The following LRRTM4 variants were observed in gnomAD, a reference collection of about 807,000 sequenced individuals.
The protein encoded by LRRTM4 is leucine-rich repeat transmembrane neuronal protein 4.
LRRTM4 carries 25 observed loss-of-function variants against 47.6 expected under a neutral mutation model. That is an observed-to-expected ratio of 0.53 (90% CI 0.38 to 0.73). The LOEUF is 0.73. Ranked by LOEUF, LRRTM4 falls within the 30% of genes least tolerant of loss-of-function variation. The pLI is 0.00. For missense variants in LRRTM4, 638 were observed against 713.4 expected (o/e 0.89, Z 1.20); for synonymous variants, 311 against 269.5 (o/e 1.15, Z -1.51).
chr2:76,861,695 C>T (rs572900890), intron 3 of LRRTM4, among the ~76,000 whole-genome samples: 1 of 152,120 alleles, frequency 6.6e-6, no homozygotes, highest in East Asian at 1.9e-4. Flanking sequence ...TTTTAGGAAT[C>T]TTAATATAAT....
At chr2:77,168,194 T>C (rs1057313447) in intron 3 of LRRTM4, among the ~76,000 whole-genome samples, 4 of 152,150 alleles carry the variant, frequency 2.6e-5, no homozygotes, top group African/African-American at 9.6e-5. Context: ...AAAGATTTCA[T>C]GTATTATTCC....
At chr2:77,040,289 T>C (rs980630150) in intron 3 of LRRTM4, among the ~76,000 whole-genome samples, 1 of 151,398 alleles carries the variant, frequency 6.6e-6, no homozygotes, top group African/African-American at 2.4e-5. Flanking sequence ...TGTATGCAAA[T>C]TACAGCTCAT....
chr2:77,419,547 A>G (rs1159323316), intron 3 of LRRTM4, among the ~76,000 whole-genome samples: 1 of 152,184 alleles, frequency 6.6e-6, no homozygotes, highest in Non-Finnish European at 1.5e-5. Context: ...TTGCTTAGGA[A>G]ACAATGACAA....
chr2:77,198,287 C>T (rs561388360), intron 3 of LRRTM4, among the ~76,000 whole-genome samples: 34 of 152,292 alleles, frequency 2.2e-4, no homozygotes, highest in Non-Finnish European at 4.0e-4. Context: ...CCTTCCACCA[C>T]TTACTGGCCA....
At chr2:76,892,024 G>A (rs1673271617) in intron 3 of LRRTM4, among the ~76,000 whole-genome samples, 2 of 151,672 alleles carry the variant, frequency 1.3e-5, no homozygotes, top group Admixed American at 1.3e-4. Context: ...AGAATAGCCT[G>A]TATCCGGTAT....
intron 3 of LRRTM4, among the ~76,000 whole-genome samples, chr2:77,301,364 G>A (rs1677129616): frequency 6.6e-6 from 1 of 151,826 alleles, no homozygotes; most frequent in Non-Finnish European, 1.5e-5. Flanking sequence ...ATTTAAGCAG[G>A]CACTACCAAC....
At chr2:76,858,205 T>C (rs1207180180) in intron 3 of LRRTM4, among the ~76,000 whole-genome samples, 1 of 152,158 alleles carries the variant, frequency 6.6e-6, no homozygotes, top group Non-Finnish European at 1.5e-5. Flanking sequence ...ATTCAATCTG[T>C]AAACAGAGTA....
intron 3 of LRRTM4, among the ~76,000 whole-genome samples, chr2:77,074,325 C>T (rs1680262338): frequency 6.6e-6 from 1 of 152,100 alleles, no homozygotes; most frequent in Non-Finnish European, 1.5e-5. Context: ...TCTTCATGGG[C>T]CTGGCTGATC....
At chr2:77,088,334 C>T (rs1431750107) in intron 3 of LRRTM4, among the ~76,000 whole-genome samples, 1 of 152,056 alleles carries the variant, frequency 6.6e-6, no homozygotes, top group Non-Finnish European at 1.5e-5. Flanking sequence ...ATATGCCCTG[C>T]CCCACCTTAA....
chr2:77,490,149 C>T (rs959059357), intron 3 of LRRTM4, among the ~76,000 whole-genome samples: 1 of 151,970 alleles, frequency 6.6e-6, no homozygotes, highest in Non-Finnish European at 1.5e-5. Flanking sequence ...ACTCAGGAGG[C>T]TGAGGCACAA....
chr2:76,910,280 G>C (rs1315165600), intron 3 of LRRTM4, among the ~76,000 whole-genome samples: 1 of 149,546 alleles, frequency 6.7e-6, no homozygotes, highest in Non-Finnish European at 1.5e-5. Context: ...CTCACTCATA[G>C]GTGGGAATTG....
intron 3 of LRRTM4, among the ~76,000 whole-genome samples, chr2:76,807,016 T>C (rs1676002197): frequency 6.6e-6 from 1 of 152,164 alleles, no homozygotes; most frequent in East Asian, 1.9e-4. Flanking sequence ...GAAGAAAATT[T>C]AAAAACATTT....
At chr2:76,960,284 A>G (rs563910551) in intron 3 of LRRTM4, among the ~76,000 whole-genome samples, 9 of 151,826 alleles carry the variant, frequency 5.9e-5, no homozygotes, top group Admixed American at 2.6e-4. Flanking sequence ...AGATAACAGT[A>G]TATGTATTTG....
chr2:77,318,000 C>CTTTTTTTT (rs61212194), intron 3 of LRRTM4, among the ~76,000 whole-genome samples: 1 of 99,760 alleles, frequency 1.0e-5, no homozygotes, highest in Non-Finnish European at 1.8e-5. Context: ...ATTCCTAACA[C>CTTTTTTTT]TTTTTTTTTT....
chr2:77,171,203 A>G (rs1267771200), intron 3 of LRRTM4, among the ~76,000 whole-genome samples: 2 of 152,010 alleles, frequency 1.3e-5, no homozygotes, highest in Non-Finnish European at 2.9e-5. Flanking sequence ...TTAGCATGCT[A>G]GTTTACTTCT....
chr2:77,123,205 C>G (rs1046382058), intron 3 of LRRTM4, among the ~76,000 whole-genome samples: 3 of 133,106 alleles, frequency 2.3e-5, no homozygotes, highest in Non-Finnish European at 4.5e-5. Flanking sequence ...TGTTCAGCTT[C>G]AGTCTCACAG....
intron 3 of LRRTM4, among the ~76,000 whole-genome samples, chr2:77,217,396 AT>A (rs556991167): frequency 1.8e-4 from 9 of 50,610 alleles, no homozygotes; most frequent in East Asian, 5.4e-4. Flanking sequence ...TTAATTAATT[AT>A]ATTAATTAAT....
chr2:76,807,449 T>TACAC (rs1558667533), intron 3 of LRRTM4, among the ~76,000 whole-genome samples: 2 of 100,726 alleles, frequency 2.0e-5, no homozygotes, highest in East Asian at 5.0e-4. Flanking sequence ...TATATACATA[T>TACAC]ATATATATAC....
chr2:76,922,502 G>A lies in LRRTM4; in HGVS notation c.1552-173586C>T, dbSNP rs184982041. Among the ~76,000 whole-genome samples, 206 of 152,046 alleles carry A rather than the reference G, an allele frequency of 1.4e-3. 1 individual carries two copies. The highest frequency in any genetic ancestry group is 4.8e-3 in the African/African-American group (199 of 41,488). On this transcript the variant is annotated intron_variant, in intron 3 of 3. Transcript: ENST00000409884. The stretch of plus-strand genomic sequence containing the variant: ...CCACCAGACCCTTCCCCTGACACAC[G>A]GGAATTATAATTCAAGATGAGATTT...
Sources: gnomAD v4.1 joint callset for allele counts (sites outside exome capture counted in the v4.1 genomes callset) on GRCh38, gnomAD v4.1.1 for gene constraint, MANE v1.5 for transcripts, NCBI Gene and HGNC (gene_info 2026-07-23, HGNC 2026-07-21) for gene names.